The following FAR2 variants were observed in gnomAD, a reference collection of about 807,000 sequenced individuals.
FAR2 encodes the protein epididymis secretory protein Li 81.
FAR2 carries 19 observed loss-of-function variants against 56.0 expected under a neutral mutation model. That is an observed-to-expected ratio of 0.34 (90% CI 0.24 to 0.50). The LOEUF (loss-of-function observed/expected upper bound fraction) is 0.50. Ranked by LOEUF, FAR2 falls within the 20% of genes least tolerant of loss-of-function variation. The pLI is 0.98. For missense variants in FAR2, 508 were observed against 642.2 expected, an observed-to-expected ratio of 0.79 and a Z score of 2.26; for synonymous variants, 219 against 218.8, an observed-to-expected ratio of 1.00 and a Z score of -0.01.
intron 4 of FAR2, among the ~76,000 whole-genome samples, chr12:29,300,363 C>G (rs1949143386): frequency 1.3e-5 from 2 of 152,170 alleles, no homozygotes; most frequent in South Asian, 2.1e-4. Flanking sequence ...ATACCATGAT[C>G]TACGACTATT....
chr12:29,237,307 C>CT (rs1303955859), intron 1 of FAR2, among the ~76,000 whole-genome samples: 1 of 152,212 alleles, frequency 6.6e-6, no homozygotes, highest in South Asian at 2.1e-4. Flanking sequence ...TGTTATTTGC[C>CT]TTTTTTACTG....
intron 1 of FAR2, chr12:29,223,645 T>C (rs1013326572): frequency 1.3e-5 from 2 of 152,200 alleles, no homozygotes; most frequent in Non-Finnish European, 2.9e-5. Flanking sequence ...TGATTGCAGT[T>C]GTCCCTGGTA....
intron 1 of FAR2, among the ~76,000 whole-genome samples, chr12:29,158,563 T>C (rs968987713): frequency 8.5e-5 from 13 of 152,252 alleles, no homozygotes; most frequent in Middle Eastern, 3.2e-3. Context: ...GAGGCAATGG[T>C]TATGCAAGTG....
chr12:29,286,237 C>T (rs966019146), intron 2 of FAR2, among the ~76,000 whole-genome samples: 3 of 152,158 alleles, frequency 2.0e-5, no homozygotes, highest in African/African-American at 7.2e-5. Context: ...CACGAATCCT[C>T]AGAAATCTCT....
chr12:29,157,957 AG>A (rs1949745290), intron 1 of FAR2, among the ~76,000 whole-genome samples: 1 of 152,218 alleles, frequency 6.6e-6, no homozygotes, highest in Non-Finnish European at 1.5e-5. Flanking sequence ...CATGTATTAA[AG>A]ATTTTTGCTT....
At chr12:29,243,852 AGG>A (rs1268893009) in intron 1 of FAR2, among the ~76,000 whole-genome samples, 1 of 152,100 alleles carries the variant, frequency 6.6e-6, no homozygotes, top group Non-Finnish European at 1.5e-5. Flanking sequence ...ATGAGTTTAA[AGG>A]CATCTGCAGT....
chr12:29,197,707 A>C (rs1950154652), intron 1 of FAR2, among the ~76,000 whole-genome samples: 1 of 152,174 alleles, frequency 6.6e-6, no homozygotes, highest in Non-Finnish European at 1.5e-5. Context: ...TATGAAAGGC[A>C]GTTTCTAGCC....
At chr12:29,221,992 T>C (rs1238915179) in intron 1 of FAR2, among the ~76,000 whole-genome samples, 1 of 152,052 alleles carries the variant, frequency 6.6e-6, no homozygotes, top group Non-Finnish European at 1.5e-5. Context: ...GGATTACAGG[T>C]GCCCACTACC....
chr12:29,234,783 A>G (rs939713067), intron 1 of FAR2, among the ~76,000 whole-genome samples: 7 of 152,150 alleles, frequency 4.6e-5, no homozygotes, highest in African/African-American at 1.7e-4. Context: ...TATACTGTCA[A>G]ATGCAGTTCA....
intron 1 of FAR2, among the ~76,000 whole-genome samples, chr12:29,188,994 C>T (rs909164052): frequency 2.6e-5 from 4 of 152,026 alleles, no homozygotes; most frequent in Admixed American, 6.6e-5. Flanking sequence ...GAGATGTTAA[C>T]CTTCATCACT....
chr12:29,206,141 A>C (rs1197164169), intron 1 of FAR2, among the ~76,000 whole-genome samples: 1 of 152,204 alleles, frequency 6.6e-6, no homozygotes, highest in Non-Finnish European at 1.5e-5. Context: ...ATGGATGAGG[A>C]CCACCCAAAG....
intron 1 of FAR2, among the ~76,000 whole-genome samples, chr12:29,268,609 C>T (rs1249639905): frequency 6.6e-6 from 1 of 152,172 alleles, no homozygotes; most frequent in African/African-American, 2.4e-5. Flanking sequence ...TTCAGTGTCT[C>T]TACCCCCTGA....
chr12:29,240,531 T>TA (rs397734639), intron 1 of FAR2, among the ~76,000 whole-genome samples: 3 of 151,408 alleles, frequency 2.0e-5, no homozygotes, highest in Non-Finnish European at 3.0e-5. Context: ...GTTTTTTTTT[T>TA]AATTTGAAAA....
chr12:29,205,711 GT>G, intron 1 of FAR2, among the ~76,000 whole-genome samples: 1 of 152,340 alleles, frequency 6.6e-6, no homozygotes, highest in South Asian at 2.1e-4. Context: ...CATCCTTGAT[GT>G]CTGAAAGGGT....
intron 1 of FAR2, among the ~76,000 whole-genome samples, chr12:29,198,560 A>G (rs1349697153): frequency 6.6e-6 from 1 of 152,108 alleles, no homozygotes. Context: ...AAATCATACC[A>G]TCTTCCCTTT....
chr12:29,163,725 G>A (rs564845192), intron 1 of FAR2, among the ~76,000 whole-genome samples: 1 of 152,342 alleles, frequency 6.6e-6, no homozygotes, highest in Non-Finnish European at 1.5e-5. Context: ...AAGTCAAGAA[G>A]AGATAGGTGT....
chr12:29,329,758 A>T (rs1459265927), intron 10 of FAR2, among the ~76,000 whole-genome samples: 1 of 152,168 alleles, frequency 6.6e-6, no homozygotes, highest in Non-Finnish European at 1.5e-5. Context: ...AATCTCACAA[A>T]GGTTTGAGGT....
intron 10 of FAR2, 95 bp downstream of exon 10, chr12:29,322,019 T>G: frequency 1.4e-6 from 2 of 1,409,152 alleles, no homozygotes; most frequent in Non-Finnish European, 1.9e-6. Flanking sequence ...ATAAGACGTT[T>G]GGTTATAGAC....
intron 1 of FAR2, among the ~76,000 whole-genome samples, chr12:29,248,986 C>T (rs1304301025): frequency 2.0e-5 from 3 of 152,134 alleles, no homozygotes; most frequent in Admixed American, 6.5e-5. Context: ...TCAAGGTGCC[C>T]AGATTTCATA....
Sources: gnomAD v4.1 joint callset for allele counts (sites outside exome capture counted in the v4.1 genomes callset) on GRCh38, gnomAD v4.1.1 for gene constraint, MANE v1.5 for transcripts, NCBI Gene and HGNC (gene_info 2026-07-23, HGNC 2026-07-21) for gene names.